Variants in CSF3 observed in about 807,000 individuals in gnomAD.
The protein encoded by CSF3 is granulocyte colony-stimulating factor.
A neutral mutation model predicts 20.2 loss-of-function variants in CSF3; 17 were observed. That is an observed-to-expected ratio of 0.84 (90% CI 0.58 to 1.26). The LOEUF (loss-of-function observed/expected upper bound fraction) is 1.26, where lower values mean the gene tolerates loss of function less well. CSF3 is among the 50% of genes most tolerant of loss of function. CSF3 has a pLI of 0.00. For synonymous variants in CSF3, 125 were observed against 115.3 expected (o/e 1.08, Z -0.54); for missense variants, 210 against 256.0 (o/e 0.82, Z 1.23).
chr17:40,016,605 G>A lies in CSF3; in HGVS notation c.424G>A (p.Asp142Asn), dbSNP rs375506229. 7.6e-5 allele frequency: 123 copies of A among 1,614,136 alleles called. No homozygotes were observed. Among genetic ancestry groups the A allele is most frequent in the Non-Finnish European group, 5.3e-5 (63 of 1,180,026 alleles). ...GGACACACTGCAGCTGGACGTCGCCGACTTTGCCACCACCATCTGGCAGCA... is the reference window on the plus strand; with the variant it reads ...GGACACACTGCAGCTGGACGTCGCCAACTTTGCCACCACCATCTGGCAGCA... ...TLDTLQLDVADFATTIWQQME... is the reference protein window; with the variant it reads ...TLDTLQLDVANFATTIWQQME... The change falls in exon 4 of 5, where the codon GAC becomes AAC. Residue 142 changes from aspartate (D) to asparagine (N), a missense_variant. Physicochemically the swap from Asp to Asn is conservative, Grantham distance 23 (BLOSUM62 1). Transcript: ENST00000394149.
intron 2 of CSF3, 38 bp downstream of exon 2, chr17:40,015,883 C>G (rs369344796): frequency 3.0e-5 from 48 of 1,579,302 alleles, no homozygotes; most frequent in Admixed American, 1.7e-5. Flanking sequence ...GAGGGAAGCC[C>G]GGTGGGGAGA....
rs1441779995 is a variant in CSF3, at chr17:40,017,091, A to T, written c.*132A>T. 1 of 871,882 alleles carries T rather than the reference A, an allele frequency of 1.1e-6. No homozygotes were observed. Among genetic ancestry groups the T allele is most frequent in the African/African-American group, 1.7e-5 (1 of 57,822 alleles). 54.0% of individuals were successfully genotyped at this position (871,882 alleles called of 1,614,324 possible). On this transcript the variant is annotated 3_prime_UTR_variant, in exon 5 of 5. Transcript: ENST00000394149. ...GTCCTTCCCTGCATTTCTGAGTTTC[A>T]TTCTCCTGCCTGTAGCAGTGAGAAA...
chr17:40,016,808 G>A lies in CSF3; in HGVS notation c.464G>A (p.Gly155Glu), dbSNP rs1981422004. 1 of 1,612,806 alleles carries A rather than the reference G, an allele frequency of 6.2e-7. No individual in the cohort carries two copies. The change falls in exon 5 of 5, where the codon GGA becomes GAA. Residue 155 changes from glycine to glutamate, a missense_variant. By Grantham distance (98) the Gly-to-Glu change is moderately conservative. Transcript: ENST00000394149. ...TTTCCCCCACAGATGGAAGAACTGG[G>A]AATGGCCCCTGCCCTGCAGCCCACC... is the stretch of plus-strand genomic sequence containing the variant. ...TTIWQQMEEL[G>E]MAPALQPTQG...
intron 2 of CSF3, 28 bp from the exon 3 acceptor site, chr17:40,016,205 G>A: frequency 6.7e-7 from 1 of 1,500,842 alleles, no homozygotes; most frequent in Non-Finnish European, 9.0e-7. Flanking sequence ...GCCATGGCGA[G>A]TCTCACTCAG....
In CSF3 at chr17:40,015,746, C is replaced by A; in HGVS notation, c.96C>A (p.Pro32=). The change falls in exon 2 of 5, where the codon CCC becomes CCA. Residue 32 remains proline (P), a synonymous_variant. Transcript: ENST00000394149. The part of the protein sequence containing the change: ...SALWTVQEAT[P]LGPASSLPQS... ...TCTGGACAGTGCAGGAAGCCACCCC[C>A]CTGGGCCCTGCCAGCTCCCTGCCCC... is the stretch of plus-strand genomic sequence containing the variant. The A allele has an allele frequency of 6.3e-7, 1 of 1,599,850 alleles. No homozygotes were observed. Among genetic ancestry groups the A allele is most frequent in the East Asian group, 2.3e-5 (1 of 44,388 alleles).
At position 40,016,356 on chromosome 17, in the gene CSF3, G is replaced by A. The variant is rs1281727924; in HGVS notation, c.303+16G>A. On this transcript the variant is annotated intron_variant, in intron 3 of 4. Coordinates refer to ENST00000394149, the MANE Select transcript of CSF3 (RefSeq NM_172219.3). ...CCTGCAGCTGGTGAGTGTCAGGAAA[G>A]GATAAGGCTAATGAGGAGGGGGAAG... 1 of 1,610,856 alleles carries A rather than the reference G, an allele frequency of 6.2e-7. No homozygotes were observed. The highest frequency in any genetic ancestry group is 1.7e-5 in the Admixed American group (1 of 59,706).
Position 40,016,345 on chromosome 17 carries a change from G to A in CSF3, c.303+5G>A. ...CCCAGCCAGGCCCTGCAGCTGGTGAGTGTCAGGAAAGGATAAGGCTAATGA... is the reference window on the plus strand; with the variant it reads ...CCCAGCCAGGCCCTGCAGCTGGTGAATGTCAGGAAAGGATAAGGCTAATGA... On this transcript the variant is annotated splice_donor_5th_base_variant and intron_variant, in intron 3 of 4. Transcript: ENST00000394149. 1 of 1,612,532 alleles carries A rather than the reference G, an allele frequency of 6.2e-7. No individual in the cohort carries two copies. The highest frequency in any genetic ancestry group is 8.5e-7 in the Non-Finnish European group (1 of 1,179,030).
chr17:40,016,010 G>A (rs997401704), intron 2 of CSF3, 165 bp downstream of exon 2: 47 of 1,124,668 alleles, frequency 4.2e-5, no homozygotes, highest in Non-Finnish European at 5.3e-5. Context: ...CCTTGGTGGG[G>A]ACAGTGCTCG....
rs1981343615 is a variant in CSF3 at position 40,015,805 on chromosome 17, G to A, written c.155G>A (p.Arg52Lys). The change falls in exon 2 of 5, where the codon AGG becomes AAG. Residue 52 changes from arginine (R) to lysine (K), a missense_variant. Physicochemically the swap from Arg to Lys is conservative, Grantham distance 26. Transcript: ENST00000394149. ...SFLLKCLEQV[R>K]KIQGDGAALQ... is the part of the protein sequence containing the mutation. ...CTGCTCAAGTGCTTAGAGCAAGTGA[G>A]GAAGATCCAGGGCGATGGCGCAGCG... The A allele has an allele frequency of 1.2e-6, 2 of 1,612,084 alleles. No homozygotes were observed. Among genetic ancestry groups the A allele is most frequent in the South Asian group, 2.2e-5 (2 of 90,658 alleles).
intron 2 of CSF3, 107 bp from the exon 3 acceptor site, chr17:40,016,126 C>G (rs1981366481): frequency 1.1e-6 from 1 of 945,980 alleles, no homozygotes; most frequent in Admixed American, 2.6e-5. Context: ...AACTGAACAG[C>G]CTGGCAGGAC....
rs762858610 is a variant in CSF3, at chr17:40,015,837, G to T, written c.187G>T (p.Glu63Ter). The T allele has an allele frequency of 6.2e-7, 1 of 1,606,308 alleles. No individual in the cohort carries two copies. The highest frequency in any genetic ancestry group is 8.5e-7 in the Non-Finnish European group (1 of 1,174,488). The change falls in exon 2 of 5, where the codon GAG becomes TAG. Residue 63 changes from glutamate to a stop codon, truncating the protein, a stop_gained. Coordinates refer to ENST00000394149, the MANE Select transcript of CSF3 (RefSeq NM_172219.3). LOFTEE classifies it high-confidence loss of function. ...CCAGGGCGATGGCGCAGCGCTCCAG[G>T]AGAAGCTGGTGAGTGAGGTGGGTGA... ...KIQGDGAALQ[E>*]KLCATYKLCH...
At position 40,016,227 on chromosome 17, in the gene CSF3, C is replaced by T; in HGVS notation, c.196-6C>T. The T allele has an allele frequency of 6.5e-7, 1 of 1,538,770 alleles. No homozygotes were observed. The highest frequency in any genetic ancestry group is 8.8e-7 in the Non-Finnish European group (1 of 1,140,332). On this transcript the variant is annotated splice_polypyrimidine_tract_variant and splice_region_variant and intron_variant, in intron 2 of 4. Coordinates refer to ENST00000394149, the MANE Select transcript of CSF3 (RefSeq NM_172219.3). ...CGAGTCTCACTCAGCATCCTTCCAT[C>T]CCCAGTGTGCCACCTACAAGCTGTG...
rs772915901 is a variant in CSF3 at position 40,016,970 on chromosome 17, C to G, written c.*11C>G. On this transcript the variant is annotated 3_prime_UTR_variant, in exon 5 of 5. Transcript: ENST00000394149. The stretch of plus-strand genomic sequence containing the variant: ...CTTGCCCAGCCCTGAGCCAAGCCCT[C>G]CCCATCCCATGTATTTATCTCTATT... 5 of 1,547,874 alleles carry G rather than the reference C, an allele frequency of 3.2e-6. No individual in the cohort carries two copies. The Admixed American group carries it at 8.3e-5, about 26-fold the overall frequency.
intron 1 of CSF3, 37 bp downstream of exon 1, chr17:40,015,551 C>T (rs771791928): frequency 8.4e-6 from 13 of 1,550,578 alleles, no homozygotes; most frequent in Non-Finnish European, 1.1e-5. Flanking sequence ...AGCCGCCTGC[C>T]CTGGCATGGG....
At chr17:40,016,135 A>T in intron 2 of CSF3, 98 bp from the exon 3 acceptor site, 1 of 979,878 alleles carries the variant, frequency 1.0e-6, no homozygotes, top group Non-Finnish European at 1.5e-6. Context: ...GCCTGGCAGG[A>T]CATGGAGGGA....
intron 2 of CSF3, 38 bp downstream of exon 2, chr17:40,015,883 C>T (rs369344796): frequency 2.1e-5 from 33 of 1,579,302 alleles, no homozygotes; most frequent in Admixed American, 3.5e-5. Context: ...GAGGGAAGCC[C>T]GGTGGGGAGA....
chr17:40,017,058 G>A lies in CSF3; in HGVS notation c.*99G>A. ...AGGGAAGAGCAGAACGGAGCCCCAG[G>A]CCTCTGTGTCCTTCCCTGCATTTCT... is the stretch of plus-strand genomic sequence containing the variant. On this transcript the variant is annotated 3_prime_UTR_variant, in exon 5 of 5. Transcript: ENST00000394149. 8.4e-7 allele frequency: 1 copy of A among 1,192,424 alleles called. No homozygotes were observed. The highest frequency in any genetic ancestry group is 1.7e-5 in the South Asian group (1 of 59,014). 73.9% of individuals were successfully genotyped at this position (1,192,424 alleles called of 1,614,324 possible). A position where few individuals can be genotyped will look rare whatever the true frequency, so the allele number is the denominator to read the frequency against.
chr17:40,017,250 G>A lies in CSF3; in HGVS notation c.*291G>A, dbSNP rs778954652. On this transcript the variant is annotated 3_prime_UTR_variant, in exon 5 of 5. Coordinates refer to ENST00000394149, the MANE Select transcript of CSF3 (RefSeq NM_172219.3). ...GCCGCTGTGAGCCCCTGGTCCTGAG[G>A]GTCCCCACCTGGGACCCTTGAGAGT... is the stretch of plus-strand genomic sequence containing the variant. 3.2e-4 allele frequency: 81 copies of A among 256,200 alleles called. No individual in the cohort carries two copies. Among genetic ancestry groups the A allele is most frequent in the Non-Finnish European group, 8.1e-5 (11 of 136,088 alleles). 15.9% of individuals were successfully genotyped at this position (256,200 alleles called of 1,614,324 possible). A position where few individuals can be genotyped will look rare whatever the true frequency, so the allele number is the denominator to read the frequency against.
intron 1 of CSF3, 49 bp from the exon 2 acceptor site, chr17:40,015,642 C>A: frequency 6.4e-7 from 1 of 1,550,868 alleles, no homozygotes; most frequent in Non-Finnish European, 8.7e-7. Flanking sequence ...CCCGAGAGGG[C>A]CTCAGGTGGT....
Sources: allele counts gnomAD v4.1 joint callset, GRCh38; gene constraint gnomAD v4.1.1; transcripts MANE v1.5; gene names NCBI Gene and HGNC (gene_info 2026-07-23, HGNC 2026-07-21).